PMS1: variants seen among roughly 807,000 people sequenced by gnomAD.
PMS1 encodes the protein PMS1 homolog 1, mismatch repair system component.
In PMS1, 79 loss-of-function variants were observed where a neutral mutation model predicts 93.1. The ratio of observed to expected loss-of-function variants is 0.85; its 90% CI spans 0.71 to 1.02. The LOEUF is 1.02. Ranked by LOEUF, PMS1 falls within the 50% of genes least tolerant of loss-of-function variation. The probability of loss-of-function intolerance (pLI) is 0.00; values close to 1 mark genes in which losing one functional copy is unlikely to be tolerated. For synonymous variants in PMS1, 335 were observed against 363.4 expected (o/e 0.92, Z 0.89); for missense variants, 1,064 against 1,085.3 (o/e 0.98, Z 0.28).
At chr2:189,876,402 G>C (rs564696347) in intron 12 of PMS1, among the ~76,000 whole-genome samples, 7 of 152,310 alleles carry the variant, frequency 4.6e-5, no homozygotes, top group African/African-American at 1.7e-4. Context: ...ACTCAACGAT[G>C]CTCAGTAGAA....
chr2:189,856,240 A>G (rs1441435629), intron 9 of PMS1, among the ~76,000 whole-genome samples: 1 of 151,686 alleles, frequency 6.6e-6, no homozygotes, highest in African/African-American at 2.4e-5. Context: ...GTATAAAGCC[A>G]TTACCCCATT....
intron 4 of PMS1, among the ~76,000 whole-genome samples, chr2:189,815,944 C>T (rs2051259907): frequency 6.6e-6 from 1 of 152,194 alleles, no homozygotes; most frequent in East Asian, 1.9e-4. Flanking sequence ...TGTTCTGTCA[C>T]CCGGGCTTGA....
intron 4 of PMS1, chr2:189,806,161 T>C (rs370732570): frequency 6.2e-6 from 2 of 320,364 alleles, no homozygotes; most frequent in African/African-American, 4.3e-5. Context: ...AAAATCTATT[T>C]GTTAATTGAT....
intron 5 of PMS1, among the ~76,000 whole-genome samples, chr2:189,821,178 T>C (rs779692664): frequency 2.7e-4 from 41 of 152,232 alleles, no homozygotes; most frequent in Non-Finnish European, 4.1e-4. Flanking sequence ...AAAAGTGGGC[T>C]GGGCGCAGTG....
rs775220614 is a variant in PMS1 at position 189,805,770 on chromosome 2, T to C, written c.418+16T>C. ...CTTGGTCAAGGTAAGAAAGTAGCTT[T>C]GTATACAAACATTCTTTACCTTTTC... On this transcript the variant is annotated intron_variant, in intron 4 of 12. Transcript: ENST00000441310. 6.2e-7 allele frequency: 1 copy of C among 1,613,680 alleles called. No individual in the cohort carries two copies. The highest frequency in any genetic ancestry group is 1.1e-5 in the South Asian group (1 of 91,052).
At chr2:189,798,757 A>ATTTTTTTTTTTTTTT (rs757864750) in intron 3 of PMS1, among the ~76,000 whole-genome samples, 1 of 79,934 alleles carries the variant, frequency 1.3e-5, no homozygotes, top group Non-Finnish European at 2.6e-5. Flanking sequence ...TAAGTATTTG[A>ATTTTTTTTTTTTTTT]TTTTTTTTTT....
Position 189,854,270 on chromosome 2 carries a change from TGAC to T in PMS1, c.1002_1004del (p.Thr335del), listed in dbSNP as rs750135409. 2.5e-6 allele frequency: 4 copies of T among 1,595,224 alleles called. No homozygotes were observed. The Admixed American group carries it at 5.2e-5, about 21-fold the overall frequency. On this transcript the variant is annotated inframe_deletion, in exon 9 of 13. Transcript: ENST00000441310. ...GTTTTAATTGCTCTTGAAAATCTGA[TGAC>T]GACTTGTTATGGACCATTACCTAGT...
At chr2:189,792,570 A>G (rs1236723802) in intron 2 of PMS1, among the ~76,000 whole-genome samples, 1 of 151,392 alleles carries the variant, frequency 6.6e-6, no homozygotes, top group Admixed American at 6.6e-5. Context: ...TGCTATTTCT[A>G]GTGTTATAGA....
chr2:189,795,052 C>T (rs5742978), intron 2 of PMS1, among the ~76,000 whole-genome samples: 1,581 of 152,266 alleles, frequency 0.01, 36 homozygotes, highest in African/African-American at 0.036. Flanking sequence ...GAGCTGTGAT[C>T]ATGCCACTGT....
At chr2:189,792,530 TTTTAAA>T (rs1047115864) in intron 2 of PMS1, among the ~76,000 whole-genome samples, 1 of 151,746 alleles carries the variant, frequency 6.6e-6, no homozygotes, top group African/African-American at 2.4e-5. Context: ...AGAATACATT[TTTTAAA>T]ATCTCTTAAT....
intron 5 of PMS1, among the ~76,000 whole-genome samples, chr2:189,833,605 T>C (rs1365481746): frequency 6.6e-6 from 1 of 152,148 alleles, no homozygotes; most frequent in African/African-American, 2.4e-5. Context: ...TAAATTCATT[T>C]TCATTTGGGT....
intron 4 of PMS1, among the ~76,000 whole-genome samples, chr2:189,817,601 A>G (rs1448117186): frequency 2.6e-5 from 4 of 152,154 alleles, no homozygotes; most frequent in Non-Finnish European, 5.9e-5. Context: ...GTTACCAGAT[A>G]TTATTTCAGG....
At chr2:189,860,799 AATTTTTTTTTTTTTTTTTTTT>A (rs2055886337) in intron 9 of PMS1, among the ~76,000 whole-genome samples, 2 of 82,072 alleles carry the variant, frequency 2.4e-5, no homozygotes, top group Non-Finnish European at 4.5e-5. Flanking sequence ...ATCTTTGAGG[AATTTTTTTTTTTTTTTTTTTT>A]TTTTTTTTTT....
rs138228757 is a variant in PMS1 at position 189,788,818 on chromosome 2, C to G, written c.-20-2972C>G. On this transcript the variant is annotated intron_variant, in intron 1 of 12. Transcript: ENST00000441310. Reference sequence around the variant, plus strand: ...TTGGACTACCCACGTTTCTAGTGCTCTAGTGTTCAGTAAGCTACATATGAC... The same window carrying G: ...TTGGACTACCCACGTTTCTAGTGCTGTAGTGTTCAGTAAGCTACATATGAC... Among the ~76,000 whole-genome samples the G allele has an allele frequency of 5.4e-4, 82 of 152,236 alleles. No homozygotes were observed. The East Asian group carries it at 0.011, about 21-fold the overall frequency.
At chr2:189,822,650 A>G (rs2052034961) in intron 5 of PMS1, among the ~76,000 whole-genome samples, 1 of 152,224 alleles carries the variant, frequency 6.6e-6, no homozygotes, top group Non-Finnish European at 1.5e-5. Context: ...GAGTAAGAGT[A>G]GAAGATGTTG....
At position 189,867,948 on chromosome 2, in the gene PMS1, A is replaced by T. The variant is rs749714488; in HGVS notation, c.2473+19A>T. On this transcript the variant is annotated intron_variant, in intron 11 of 12. Transcript: ENST00000441310. ...ATACCAGGTATGATAGTGTGGTTTA[A>T]TATTTTCTGATGTGGAAAAATTAGT... 1.3e-6 allele frequency: 2 copies of T among 1,591,918 alleles called. No individual in the cohort carries two copies. Among genetic ancestry groups the T allele is most frequent in the Non-Finnish European group, 1.7e-6 (2 of 1,159,982 alleles).
At position 189,791,953 on chromosome 2, in the gene PMS1, T is replaced by C; in HGVS notation, c.132+12T>C. 1 of 1,613,046 alleles carries C rather than the reference T, an allele frequency of 6.2e-7. No individual in the cohort carries two copies. The highest frequency in any genetic ancestry group is 8.5e-7 in the Non-Finnish European group (1 of 1,179,092). On this transcript the variant is annotated intron_variant, in intron 2 of 12. Transcript: ENST00000441310. ...TAGATGTTAAACTGGTGAGTGTCCT[T>C]GAGAACCCAAATACCTTTAAGACAA... is the stretch of plus-strand genomic sequence containing the variant.
intron 3 of PMS1, among the ~76,000 whole-genome samples, chr2:189,801,431 T>A (rs550366583): frequency 6.6e-6 from 1 of 152,294 alleles, no homozygotes; most frequent in South Asian, 2.1e-4. Flanking sequence ...GTCTTGACCG[T>A]CTCATAAAAA....
chr2:189,838,458 C>T (rs912462347), intron 5 of PMS1, among the ~76,000 whole-genome samples: 20 of 152,186 alleles, frequency 1.3e-4, no homozygotes, highest in Admixed American at 7.2e-4. Flanking sequence ...ACTGAACAAG[C>T]TGAACTCATC....
Sources: allele counts gnomAD v4.1 joint callset (sites outside exome capture counted in the v4.1 genomes callset), GRCh38; gene constraint gnomAD v4.1.1; transcripts MANE v1.5; gene names NCBI Gene and HGNC (gene_info 2026-07-23, HGNC 2026-07-21).